Variants in PCDHGA1 observed in about 807,000 individuals in gnomAD.
PCDHGA1 encodes the protein protocadherin gamma subfamily A, 1.
A neutral mutation model predicts 58.0 loss-of-function variants in PCDHGA1; 32 were observed. That is an observed-to-expected ratio of 0.55 (90% CI 0.42 to 0.74). The LOEUF is 0.74. Among genes scored for constraint, PCDHGA1 ranks in the 30% least tolerant of loss-of-function variants. PCDHGA1 has a pLI of 0.00. For synonymous variants in PCDHGA1, 498 were observed against 501.1 expected, an observed-to-expected ratio of 0.99 and a Z score of 0.08; for missense variants, 1,205 against 1,182.3, an observed-to-expected ratio of 1.02 and a Z score of -0.28.
intron 1 of PCDHGA1, chr5:141,373,837 A>C (rs1457844906): frequency 9.4e-6 from 4 of 427,674 alleles, no homozygotes; most frequent in East Asian, 3.5e-5. Flanking sequence ...GTATTAAGTT[A>C]GGACTCTAAG....
At chr5:141,361,618 G>A in intron 1 of PCDHGA1, 1 of 1,613,956 alleles carries the variant, frequency 6.2e-7, no homozygotes, top group Non-Finnish European at 8.5e-7. Context: ...CGTAGCGAGC[G>A]ACCTGAAGCC....
intron 1 of PCDHGA1, chr5:141,355,725 C>G (rs1161979451): frequency 6.2e-7 from 1 of 1,614,014 alleles, no homozygotes; most frequent in Admixed American, 1.7e-5. Context: ...TCAACTCAAA[C>G]GGTTACTTTT....
At chr5:141,460,411 T>TG (rs2098988114) in intron 1 of PCDHGA1, among the ~76,000 whole-genome samples, 1 of 152,212 alleles carries the variant, frequency 6.6e-6, no homozygotes, top group Non-Finnish European at 1.5e-5. Context: ...TTTGAGTTGA[T>TG]GTTTATGTAT....
At chr5:141,503,229 T>C (rs986982708) in intron 2 of PCDHGA1, among the ~76,000 whole-genome samples, 1 of 152,080 alleles carries the variant, frequency 6.6e-6, no homozygotes, top group African/African-American at 2.4e-5. Context: ...ACCGTAAAGA[T>C]GGACAGTTTC....
At chr5:141,413,444 C>T (rs2095641519) in intron 1 of PCDHGA1, 2 of 1,613,998 alleles carry the variant, frequency 1.2e-6, no homozygotes, top group Non-Finnish European at 1.7e-6. Context: ...AGCTTGATCA[C>T]CGCGGGCAGG....
In PCDHGA1 at chr5:141,491,410, G is replaced by T. The variant is rs777207581; in HGVS notation, c.2422-3397G>T. On this transcript the variant is annotated intron_variant, in intron 1 of 3. Transcript: ENST00000517417. The surrounding 1 kb of genome is among the most constrained non-coding windows in gnomAD (Gnocchi z 6.9). ...GTGCCTTCAGGGAAACGCAGACGGG[G>T]ACGGGGGTGGAGGGCAGTGCTGCAG... 28 of 1,614,142 alleles carry T rather than the reference G, an allele frequency of 1.7e-5. No individual in the cohort carries two copies. The highest frequency in any genetic ancestry group is 2.4e-5 in the Non-Finnish European group (28 of 1,180,034).
chr5:141,477,229 C>T lies in PCDHGA1; in HGVS notation c.2422-17578C>T. ...AGGATGCCCCTCTGGGGACTGTCAT[C>T]GCTTTGCTCAGTGTGACTGACCTGG... On this transcript the variant is annotated intron_variant, in intron 1 of 3. Transcript: ENST00000517417. The surrounding 1 kb of genome is among the most constrained non-coding windows in gnomAD (Gnocchi z 4.9). 6.2e-7 allele frequency: 1 copy of T among 1,614,222 alleles called. No homozygotes were observed. Among genetic ancestry groups the T allele is most frequent in the Non-Finnish European group, 8.5e-7 (1 of 1,180,052 alleles).
chr5:141,365,679 C>T lies in PCDHGA1; in HGVS notation c.2421+32574C>T, dbSNP rs1056119767. The T allele has an allele frequency of 1.2e-5, 19 of 1,613,416 alleles. No individual in the cohort carries two copies. The highest frequency in any genetic ancestry group is 1.4e-5 in the Non-Finnish European group (17 of 1,179,808). On this transcript the variant is annotated intron_variant, in intron 1 of 3. Transcript: ENST00000517417. ...GTAGCAGACGTTAATGACAACCCAC[C>T]CAATTTCCCTCAAGCCTCCTACTCC...
At position 141,400,246 on chromosome 5, in the gene PCDHGA1, G is replaced by T. The variant is rs373890751; in HGVS notation, c.2421+67141G>T. 4 of 1,613,986 alleles carry T rather than the reference G, an allele frequency of 2.5e-6. No individual in the cohort carries two copies. In the East Asian group the frequency reaches 6.7e-5, roughly 27 times the overall value. Reference sequence around the variant, plus strand: ...CTTCCTCCTGGCCGTGATTCTGGCCGTTGCCTTGCGCCTGCGACGCTCCTC... The same window carrying T: ...CTTCCTCCTGGCCGTGATTCTGGCCTTTGCCTTGCGCCTGCGACGCTCCTC... On this transcript the variant is annotated intron_variant, in intron 1 of 3. Transcript: ENST00000517417.
At chr5:141,390,107 C>G (rs778685705) in intron 1 of PCDHGA1, 19 of 1,614,066 alleles carry the variant, frequency 1.2e-5, no homozygotes, top group Non-Finnish European at 1.6e-5. Context: ...CCCCCAACTA[C>G]AGCGAGGGGA....
intron 1 of PCDHGA1, among the ~76,000 whole-genome samples, chr5:141,348,020 CAAT>C (rs1036826017): frequency 1.8e-4 from 28 of 152,160 alleles, no homozygotes; most frequent in African/African-American, 6.0e-4. Context: ...GATTTCCAGA[CAAT>C]CTCTTCCAAC....
intron 2 of PCDHGA1, among the ~76,000 whole-genome samples, chr5:141,501,200 G>A (rs888856586): frequency 1.3e-5 from 2 of 151,854 alleles, no homozygotes; most frequent in African/African-American, 4.8e-5. Context: ...AATTCAGGGT[G>A]TTGTCAGGGT....
At chr5:141,370,568 G>C in intron 1 of PCDHGA1, 1 of 1,613,930 alleles carries the variant, frequency 6.2e-7, no homozygotes, top group Non-Finnish European at 8.5e-7. Context: ...GGTTTGGCGT[G>C]GGGGATTTAC....
chr5:141,375,253 C>G, intron 1 of PCDHGA1: 1 of 1,613,916 alleles, frequency 6.2e-7, no homozygotes, highest in Non-Finnish European at 8.5e-7. Flanking sequence ...CGAGAAGTCT[C>G]CCATTTGAAT....
intron 1 of PCDHGA1, among the ~76,000 whole-genome samples, chr5:141,337,303 C>T (rs1203274489): frequency 2.6e-5 from 4 of 152,150 alleles, no homozygotes; most frequent in African/African-American, 9.7e-5. Flanking sequence ...ATAGGGACTT[C>T]AACAGATATT....
At chr5:141,380,802 T>A (rs1776746309) in intron 1 of PCDHGA1, among the ~76,000 whole-genome samples, 1 of 152,118 alleles carries the variant, frequency 6.6e-6, no homozygotes, top group African/African-American at 2.4e-5. Context: ...AAGAAACAAA[T>A]GTGAGATGAA....
At chr5:141,459,319 T>G (rs1270005431) in intron 1 of PCDHGA1, among the ~76,000 whole-genome samples, 1 of 152,216 alleles carries the variant, frequency 6.6e-6, no homozygotes, top group Non-Finnish European at 1.5e-5. Context: ...TTTGTATCCA[T>G]CTTCTTTTAC....
chr5:141,388,026 G>A, intron 1 of PCDHGA1: 1 of 1,446,900 alleles, frequency 6.9e-7, no homozygotes, highest in South Asian at 1.3e-5. Flanking sequence ...CTCCGTAGTG[G>A]GGAACCTCGC....
chr5:141,363,612 G>T (rs961880726), intron 1 of PCDHGA1, among the ~76,000 whole-genome samples: 11 of 152,222 alleles, frequency 7.2e-5, no homozygotes, highest in Admixed American at 3.3e-4. Flanking sequence ...GTCTGAGATA[G>T]TGGAGAGACT....
Sources: allele counts gnomAD v4.1 joint callset (sites outside exome capture counted in the v4.1 genomes callset), GRCh38; gene constraint gnomAD v4.1.1; non-coding constraint Gnocchi (gnomAD v3.1); transcripts MANE v1.5; gene names NCBI Gene and HGNC (gene_info 2026-07-23, HGNC 2026-07-21).